The following WDPCP variants were observed in gnomAD, a reference collection of about 807,000 sequenced individuals.
The protein encoded by WDPCP is WD repeat-containing and planar cell polarity effector protein fritz homolog.
WDPCP carries 71 observed loss-of-function variants against 93.1 expected under a neutral mutation model. That is an observed-to-expected ratio of 0.76 (90% CI 0.63 to 0.93). The LOEUF is 0.93. WDPCP is among the 40% of genes least tolerant of loss of function. WDPCP has a pLI of 0.00. For missense variants in WDPCP, 844 were observed against 887.4 expected (o/e 0.95, Z 0.62); for synonymous variants, 315 against 315.0 (o/e 1.00, Z 0.00).
chr2:63,466,390 T>G (rs570018758), intron 6 of WDPCP, among the ~76,000 whole-genome samples: 5 of 152,158 alleles, frequency 3.3e-5, no homozygotes, highest in Non-Finnish European at 5.9e-5. Context: ...ATTAGTTACA[T>G]TGACATATAT....
At chr2:63,837,386 C>G in the WDPCP span, among the ~76,000 whole-genome samples, 1 of 152,100 alleles carries the variant, frequency 6.6e-6, no homozygotes, top group Non-Finnish European at 1.5e-5. Context: ...ATGTGGGTGG[C>G]CTAGGATTTA....
At chr2:63,417,428 A>G (rs1341551786) in intron 9 of WDPCP, among the ~76,000 whole-genome samples, 1 of 152,074 alleles carries the variant, frequency 6.6e-6, no homozygotes, top group Admixed American at 6.5e-5. Context: ...TAATTTCATA[A>G]TTTTAAATTT....
intron 6 of WDPCP, among the ~76,000 whole-genome samples, chr2:63,445,670 C>T (rs1278389894): frequency 6.6e-6 from 1 of 151,976 alleles, no homozygotes; most frequent in African/African-American, 2.4e-5. Context: ...TAAAAAAGAG[C>T]AGGCAAGGTG....
At chr2:63,660,176 T>TA (rs1315382960) in intron 2 of WDPCP, among the ~76,000 whole-genome samples, 3 of 152,268 alleles carry the variant, frequency 2.0e-5, no homozygotes, top group East Asian at 1.9e-4. Context: ...TTTCTTTTTT[T>TA]AAAAAAATTC....
intron 3 of WDPCP, among the ~76,000 whole-genome samples, chr2:63,627,768 A>G (rs1709825505): frequency 6.6e-6 from 1 of 152,192 alleles, no homozygotes; most frequent in Admixed American, 6.5e-5. Context: ...CATCGGCAAT[A>G]AAATCCTCTG....
At position 63,500,454 on chromosome 2, in the gene WDPCP, G is replaced by GGGGTGTGT. The variant is rs1553412905; in HGVS notation, c.76-7515_76-7514insACACACCC. The stretch of plus-strand genomic sequence containing the variant: ...GCCTTGAAAGAGAAAATGGTGTGGG[G>GGGGTGTGT]GTGTGTGTGTGTGTGTGTGTGTGTG... On this transcript the variant is annotated intron_variant, in intron 1 of 17. Coordinates refer to ENST00000272321, the MANE Select transcript of WDPCP (RefSeq NM_015910.7). Among the ~76,000 whole-genome samples, 41 of 149,474 alleles carry GGGGTGTGT rather than the reference G, an allele frequency of 2.7e-4. 1 individual carries two copies. The highest frequency in any genetic ancestry group is 9.4e-4 in the African/African-American group (38 of 40,406).
chr2:63,341,396 T>C (rs563425825), intron 12 of WDPCP, among the ~76,000 whole-genome samples: 1 of 152,366 alleles, frequency 6.6e-6, no homozygotes, highest in African/African-American at 2.4e-5. Flanking sequence ...CCCAAAGTGC[T>C]GGGATTACAG....
intron 2 of WDPCP, among the ~76,000 whole-genome samples, chr2:63,744,134 C>T (rs186214314): frequency 6.6e-6 from 1 of 152,166 alleles, no homozygotes; most frequent in Admixed American, 6.6e-5. Context: ...TGATCTGTTG[C>T]AGTCATAGTG....
intron 1 of WDPCP, among the ~76,000 whole-genome samples, chr2:63,568,019 C>T (rs1707204640): frequency 1.3e-5 from 2 of 152,142 alleles, no homozygotes. Context: ...ACAGCTTTTT[C>T]CACTTCCATT....
chr2:63,238,009 AAAAAC>A (rs1361867238), intron 14 of WDPCP, among the ~76,000 whole-genome samples: 2 of 152,008 alleles, frequency 1.3e-5, no homozygotes, highest in Admixed American at 1.3e-4. Flanking sequence ...TTCTAAAAAA[AAAAAC>A]AACAAAATGC....
At chr2:63,541,933 A>G (rs1169001735) in intron 1 of WDPCP, among the ~76,000 whole-genome samples, 2 of 152,174 alleles carry the variant, frequency 1.3e-5, no homozygotes, top group African/African-American at 2.4e-5. Context: ...AAAAATCTAA[A>G]TTCTTTATAA....
chr2:63,486,936 C>G (rs1700607973), intron 3 of WDPCP, among the ~76,000 whole-genome samples: 1 of 152,004 alleles, frequency 6.6e-6, no homozygotes, highest in South Asian at 2.1e-4. Context: ...CTATTAACCA[C>G]TAAGCTAAGC....
intron 15 of WDPCP, among the ~76,000 whole-genome samples, chr2:63,174,162 A>T (rs1673618500): frequency 1.3e-5 from 2 of 152,140 alleles, no homozygotes; most frequent in Non-Finnish European, 2.9e-5. Flanking sequence ...TAATATTATA[A>T]TTATCACTTT....
chr2:63,136,457 G>A (rs1670625744), intron 17 of WDPCP, among the ~76,000 whole-genome samples: 1 of 152,032 alleles, frequency 6.6e-6, no homozygotes, highest in African/African-American at 2.4e-5. Context: ...AATATATAAT[G>A]TATTATCTAT....
intron 14 of WDPCP, chr2:63,233,215 T>C (rs1380369850): frequency 6.5e-6 from 1 of 153,970 alleles, no homozygotes; most frequent in Non-Finnish European, 1.5e-5. Flanking sequence ...CGGTTTGTTA[T>C]GTCTTAGGGT....
intron 6 of WDPCP, among the ~76,000 whole-genome samples, chr2:63,463,849 T>C (rs1699183996): frequency 3.3e-5 from 5 of 152,006 alleles, no homozygotes; most frequent in African/African-American, 1.2e-4. Context: ...TCAAAATGGA[T>C]TAAAGACAGA....
At chr2:63,668,093 G>A (rs1405130115) in intron 2 of WDPCP, among the ~76,000 whole-genome samples, 2 of 152,132 alleles carry the variant, frequency 1.3e-5, no homozygotes, top group African/African-American at 4.8e-5. Context: ...AAAGGGTTTT[G>A]GTGAGTGGAA....
chr2:63,256,790 G>T (rs1304882581), intron 14 of WDPCP, among the ~76,000 whole-genome samples: 3 of 152,118 alleles, frequency 2.0e-5, no homozygotes, highest in African/African-American at 4.8e-5. Flanking sequence ...ACATACGAAA[G>T]ATTCTCAGAT....
chr2:63,651,060 T>C (rs1710103592), intron 2 of WDPCP, among the ~76,000 whole-genome samples: 1 of 152,102 alleles, frequency 6.6e-6, no homozygotes. Flanking sequence ...TAAAGACATT[T>C]ATAAATAAAG....
Sources: allele counts gnomAD v4.1 joint callset (sites outside exome capture counted in the v4.1 genomes callset), GRCh38; gene constraint gnomAD v4.1.1; transcripts MANE v1.5; gene names NCBI Gene and HGNC (gene_info 2026-07-23, HGNC 2026-07-21).